TMEM178B: variants seen among roughly 807,000 people sequenced by gnomAD.
TMEM178B encodes the protein transmembrane protein 178B.
In TMEM178B, 5 loss-of-function variants were observed where a neutral mutation model predicts 31.0. The observed-to-expected ratio is 0.16, with a 90% CI of 0.08 to 0.34. The LOEUF is 0.34. Ranked by LOEUF, TMEM178B falls within the 10% of genes least tolerant of loss-of-function variation. The probability of loss-of-function intolerance (pLI) is 1.00; values close to 1 mark genes in which losing one functional copy is unlikely to be tolerated. For missense variants in TMEM178B, 275 were observed against 400.3 expected (o/e 0.69, Z 2.67); for synonymous variants, 164 against 164.0 (o/e 1.00, Z 0.00).
chr7:141,159,378 A>G (rs1796129533), intron 1 of TMEM178B, among the ~76,000 whole-genome samples: 1 of 152,202 alleles, frequency 6.6e-6, no homozygotes, highest in Admixed American at 6.5e-5. Flanking sequence ...CTCGCTCTGG[A>G]AAACAGTATG....
chr7:141,140,804 T>C (rs2129179120), intron 1 of TMEM178B, among the ~76,000 whole-genome samples: 1 of 152,344 alleles, frequency 6.6e-6, no homozygotes, highest in Non-Finnish European at 1.5e-5. Flanking sequence ...GAGTTATGGG[T>C]ATTTGAGAGG....
intron 1 of TMEM178B, among the ~76,000 whole-genome samples, chr7:141,096,332 A>G (rs868176436): frequency 8.5e-5 from 13 of 152,212 alleles, no homozygotes; most frequent in Non-Finnish European, 2.9e-5. Context: ...ATATGTGAGT[A>G]TAAGTGGTAT....
chr7:141,430,846 T>C (rs759898478), intron 2 of TMEM178B, among the ~76,000 whole-genome samples: 1 of 152,218 alleles, frequency 6.6e-6, no homozygotes, highest in Non-Finnish European at 1.5e-5. Context: ...TGCTGTGCCC[T>C]TCAATTCCCG....
At chr7:141,231,272 T>C (rs370603790) in intron 2 of TMEM178B, among the ~76,000 whole-genome samples, 2 of 151,728 alleles carry the variant, frequency 1.3e-5, no homozygotes, top group Admixed American at 6.6e-5. Context: ...TTCAGGTTTC[T>C]TTGCCATGCT....
At chr7:141,183,878 G>A (rs1171830754) in intron 1 of TMEM178B, among the ~76,000 whole-genome samples, 4 of 152,192 alleles carry the variant, frequency 2.6e-5, no homozygotes, top group African/African-American at 7.2e-5. Flanking sequence ...AATTAGCCCC[G>A]GCATGCGGCC....
At chr7:141,387,936 C>T (rs1586927720) in intron 2 of TMEM178B, among the ~76,000 whole-genome samples, 1 of 152,220 alleles carries the variant, frequency 6.6e-6, no homozygotes, top group African/African-American at 2.4e-5. Context: ...CCCTCACTCT[C>T]TCCCCACCTG....
intron 2 of TMEM178B, among the ~76,000 whole-genome samples, chr7:141,225,141 A>G (rs2129190359): frequency 6.6e-6 from 1 of 152,294 alleles, no homozygotes; most frequent in East Asian, 1.9e-4. Flanking sequence ...CTACAAGAAG[A>G]GGCAGGACTA....
At chr7:141,310,117 A>G (rs1798882675) in intron 2 of TMEM178B, among the ~76,000 whole-genome samples, 1 of 152,240 alleles carries the variant, frequency 6.6e-6, no homozygotes, top group Admixed American at 6.5e-5. Flanking sequence ...GCTTCTGCAC[A>G]ACAGAAGAAA....
At chr7:141,281,845 C>T (rs1798367016) in intron 2 of TMEM178B, among the ~76,000 whole-genome samples, 1 of 152,098 alleles carries the variant, frequency 6.6e-6, no homozygotes, top group Non-Finnish European at 1.5e-5. Flanking sequence ...GGCCAAGTGG[C>T]AGGCAGGCCT....
At chr7:141,243,955 A>C (rs962757320) in intron 2 of TMEM178B, among the ~76,000 whole-genome samples, 1 of 152,118 alleles carries the variant, frequency 6.6e-6, no homozygotes, top group Non-Finnish European at 1.5e-5. Flanking sequence ...TGCCCTCATG[A>C]CGGTCCAGTA....
intron 2 of TMEM178B, among the ~76,000 whole-genome samples, chr7:141,227,298 C>T (rs1797360964): frequency 6.6e-6 from 1 of 152,208 alleles, no homozygotes; most frequent in Non-Finnish European, 1.5e-5. Context: ...CTCATTTACT[C>T]AAGTAAAACG....
intron 2 of TMEM178B, among the ~76,000 whole-genome samples, chr7:141,388,542 C>T (rs996951328): frequency 2.0e-5 from 3 of 152,224 alleles, no homozygotes; most frequent in African/African-American, 7.2e-5. Flanking sequence ...TCCCCTCCCT[C>T]AGCCTCCACA....
chr7:141,120,195 G>A (rs901856534), intron 1 of TMEM178B, among the ~76,000 whole-genome samples: 1 of 152,168 alleles, frequency 6.6e-6, no homozygotes, highest in Non-Finnish European at 1.5e-5. Flanking sequence ...CCCTTTAGAA[G>A]TCTTGTAACC....
chr7:141,490,534 C>A, the TMEM178B span, among the ~76,000 whole-genome samples: 1 of 152,208 alleles, frequency 6.6e-6, no homozygotes, highest in African/African-American at 2.4e-5. Context: ...TCAGGGGGAA[C>A]CAACCCTGCC....
At position 141,461,235 on chromosome 7, in the gene TMEM178B, C is replaced by G. The variant is rs539734892; in HGVS notation, c.635-9301C>G. The stretch of plus-strand genomic sequence containing the variant: ...CTTCTTCTCTGACCTCCCTGATACA[C>G]AGCCACGTGGGTGTTTCTGCAGAGC... On this transcript the variant is annotated intron_variant, in intron 3 of 3. Transcript: ENST00000565468. This position sits in a 1 kb window ranked among gnomAD's most constrained non-coding sequence, Gnocchi z 4.0. Among the ~76,000 whole-genome samples, 2 of 152,342 alleles carry G rather than the reference C, an allele frequency of 1.3e-5. No individual in the cohort carries two copies. The highest frequency in any genetic ancestry group is 3.9e-4 in the East Asian group (2 of 5,168).
chr7:141,134,068 G>T (rs1288779240), intron 1 of TMEM178B, among the ~76,000 whole-genome samples: 1 of 151,818 alleles, frequency 6.6e-6, no homozygotes, highest in Non-Finnish European at 1.5e-5. Flanking sequence ...GACCCCATTT[G>T]TACAAAAAAT....
chr7:141,301,996 A>G (rs1031092409), intron 2 of TMEM178B, among the ~76,000 whole-genome samples: 69 of 152,254 alleles, frequency 4.5e-4, no homozygotes, highest in African/African-American at 1.5e-3. Context: ...GGTTGGGGGA[A>G]GGAGGAGTGG....
intron 1 of TMEM178B, among the ~76,000 whole-genome samples, chr7:141,174,199 G>A (rs1461946112): frequency 3.3e-5 from 5 of 152,090 alleles, no homozygotes; most frequent in Non-Finnish European, 7.3e-5. Flanking sequence ...ACTTACGAGT[G>A]AGAACATGTG....
intron 2 of TMEM178B, among the ~76,000 whole-genome samples, chr7:141,288,534 AC>A (rs1798489417): frequency 6.6e-6 from 1 of 151,564 alleles, no homozygotes; most frequent in Non-Finnish European, 1.5e-5. Context: ...AGAAAGAAAA[AC>A]CCTCTTTGAT....
Sources: gnomAD v4.1 joint callset for allele counts (sites outside exome capture counted in the v4.1 genomes callset) on GRCh38, gnomAD v4.1.1 for gene constraint, Gnocchi (gnomAD v3.1) non-coding constraint, MANE v1.5 for transcripts, NCBI Gene and HGNC (gene_info 2026-07-23, HGNC 2026-07-21) for gene names.